The following ZNF565 variants were observed in gnomAD, a reference collection of about 807,000 sequenced individuals.
The protein encoded by ZNF565 is zinc finger protein 565.
ZNF565 carries 27 observed loss-of-function variants against 39.4 expected under a neutral mutation model. That is an observed-to-expected ratio of 0.69 (90% CI 0.51 to 0.95). ZNF565 has a LOEUF of 0.95. Ranked by LOEUF, ZNF565 falls within the 40% of genes least tolerant of loss-of-function variation. The pLI, the probability that ZNF565 is intolerant of heterozygous loss-of-function variation, is 0.00. For synonymous variants in ZNF565, 185 were observed against 216.6 expected (o/e 0.85, Z 1.28); for missense variants, 524 against 621.1 (o/e 0.84, Z 1.66).
At chr19:36,200,666 T>C (rs911939273) in intron 2 of ZNF565, among the ~76,000 whole-genome samples, 2 of 151,200 alleles carry the variant, frequency 1.3e-5, no homozygotes, top group Non-Finnish European at 2.9e-5. Flanking sequence ...TTTCTGTATT[T>C]TTAGTAGAGA....
At chr19:36,221,685 C>T (rs1976845462) in intron 1 of ZNF565, among the ~76,000 whole-genome samples, 1 of 152,118 alleles carries the variant, frequency 6.6e-6, no homozygotes, top group African/African-American at 2.4e-5. Flanking sequence ...ATATCTCATT[C>T]TGCTCCCTTC....
At chr19:36,223,329 T>A (rs1346032609) in intron 1 of ZNF565, among the ~76,000 whole-genome samples, 4 of 147,602 alleles carry the variant, frequency 2.7e-5, no homozygotes, top group African/African-American at 1.0e-4. Context: ...GGCAACAGAG[T>A]GAGACTCCGT....
chr19:36,215,789 A>G (rs1976577110), upstream of ZNF565, among the ~76,000 whole-genome samples: 1 of 152,174 alleles, frequency 6.6e-6, no homozygotes, highest in Non-Finnish European at 1.5e-5. Context: ...ACTAAACAGC[A>G]TTGTACGCTT....
In ZNF565 at chr19:36,183,513, G is replaced by A; in HGVS notation, c.453C>T (p.His151=). 1 of 1,614,226 alleles carries A rather than the reference G, an allele frequency of 6.2e-7. No individual in the cohort carries two copies. The highest frequency in any genetic ancestry group is 8.5e-7 in the Non-Finnish European group (1 of 1,180,046). ...TYGHMPVFQH[H]TSHTVRQSRE... Reference sequence around the variant, plus strand: ...TGCTCTGACGTACAGTGTGAGACGTGTGATGCTGGAACACGGGCATATGTC... The same window carrying A: ...TGCTCTGACGTACAGTGTGAGACGTATGATGCTGGAACACGGGCATATGTC... The change falls in exon 5 of 5, where the codon CAC becomes CAT. Residue 151 remains histidine (H), a synonymous_variant. Coordinates refer to ENST00000304116, the MANE Select transcript of ZNF565 (RefSeq NM_152477.5).
upstream of ZNF565, among the ~76,000 whole-genome samples, chr19:36,215,948 A>G (rs1204576117): frequency 6.6e-6 from 1 of 152,160 alleles, no homozygotes; most frequent in East Asian, 1.9e-4. Flanking sequence ...TAATTCCTTA[A>G]TGAGTCGAGG....
rs1977443402 is a variant in ZNF565, at chr19:36,232,776, T to A, written c.55+12700A>T. On this transcript the variant is annotated intron_variant, in intron 1 of 4. Transcript: ENST00000355114. ...GGAGCATGCCACCACATCCAGCTAA[T>A]TTTTTGTATTTTTAGTAGAGACGAG... 2.0e-5 allele frequency among the ~76,000 whole-genome samples: 3 copies of A among 151,966 alleles called. No individual in the cohort carries two copies. In the South Asian group the frequency reaches 6.2e-4, roughly 32 times the overall value.
chr19:36,183,745 G>C lies in ZNF565; in HGVS notation c.233-12C>G. The C allele has an allele frequency of 6.3e-7, 1 of 1,592,570 alleles. No homozygotes were observed. The highest frequency in any genetic ancestry group is 8.5e-7 in the Non-Finnish European group (1 of 1,171,162). On this transcript the variant is annotated splice_polypyrimidine_tract_variant and intron_variant, in intron 4 of 4. Coordinates refer to ENST00000304116, the MANE Select transcript of ZNF565 (RefSeq NM_152477.5). Reference sequence around the variant, plus strand: ...CCTGGACTCCAAGTCTGAAAAATAAGAAAAAGATAAATACAAGCTGTGATC... The same window carrying C: ...CCTGGACTCCAAGTCTGAAAAATAACAAAAAGATAAATACAAGCTGTGATC...
intron 1 of ZNF565, among the ~76,000 whole-genome samples, chr19:36,231,912 A>C (rs1459795443): frequency 6.6e-6 from 1 of 151,492 alleles, no homozygotes; most frequent in Non-Finnish European, 1.5e-5. Flanking sequence ...TTTTATTTAA[A>C]AAAAAAAAGG....
chr19:36,229,385 G>T (rs1338583222), intron 1 of ZNF565, among the ~76,000 whole-genome samples: 1 of 152,108 alleles, frequency 6.6e-6, no homozygotes, highest in Non-Finnish European at 1.5e-5. Context: ...ACTTTTATGT[G>T]TGGGGGTCTA....
At chr19:36,221,503 T>C (rs1599960663) in intron 1 of ZNF565, among the ~76,000 whole-genome samples, 1 of 152,004 alleles carries the variant, frequency 6.6e-6, no homozygotes, top group Non-Finnish European at 1.5e-5. Context: ...TTAGCCAGGA[T>C]GATCTTGATC....
chr19:36,187,241 C>T (rs1166976531), intron 4 of ZNF565, among the ~76,000 whole-genome samples: 1 of 151,850 alleles, frequency 6.6e-6, no homozygotes, highest in Non-Finnish European at 1.5e-5. Context: ...TTGGGTTAAG[C>T]AGGGTAGCTC....
chr19:36,225,760 T>G, intron 1 of ZNF565, among the ~76,000 whole-genome samples: 1 of 143,174 alleles, frequency 7.0e-6, no homozygotes, highest in African/African-American at 2.6e-5. Flanking sequence ...TTCTTTTTTT[T>G]TTTTTTTTTT....
intron 1 of ZNF565, among the ~76,000 whole-genome samples, chr19:36,220,418 G>A (rs1976786032): frequency 6.6e-6 from 1 of 151,504 alleles, no homozygotes; most frequent in Non-Finnish European, 1.5e-5. Context: ...AGGCTGGAGT[G>A]CAGTGGCACG....
intron 1 of ZNF565, among the ~76,000 whole-genome samples, chr19:36,220,923 C>T (rs10426716): frequency 0.014 from 2,052 of 150,328 alleles, 41 homozygotes; most frequent in African/African-American, 0.046. Context: ...GTGATCTTGG[C>T]TCACTTGCAA....
chr19:36,218,436 A>G (rs1256148452), upstream of ZNF565, among the ~76,000 whole-genome samples: 1 of 152,066 alleles, frequency 6.6e-6, no homozygotes, highest in East Asian at 1.9e-4. Context: ...AATTTCTGAA[A>G]GAATAAGATA....
At chr19:36,226,962 A>C (rs1031010244) in intron 1 of ZNF565, among the ~76,000 whole-genome samples, 1 of 152,146 alleles carries the variant, frequency 6.6e-6, no homozygotes, top group African/African-American at 2.4e-5. Flanking sequence ...GCATGCCTAT[A>C]GTCCCAGCTG....
At chr19:36,194,736 C>T (rs1289894340) in intron 3 of ZNF565, 1 of 532,438 alleles carries the variant, frequency 1.9e-6, no homozygotes, top group Non-Finnish European at 3.4e-6. Flanking sequence ...TTACCCATGC[C>T]CTATGGCTTC....
intron 1 of ZNF565, among the ~76,000 whole-genome samples, chr19:36,243,397 G>A (rs1039545899): frequency 1.1e-4 from 16 of 152,288 alleles, no homozygotes; most frequent in African/African-American, 3.1e-4. Context: ...GATGGGATAA[G>A]CACATTTCAG....
At chr19:36,208,586 T>C (rs10416925) in intron 1 of ZNF565, among the ~76,000 whole-genome samples, 43,810 of 151,920 alleles carry the variant, frequency 0.29, 7,346 homozygotes, top group African/African-American at 0.47. Context: ...AAAGTTGAGC[T>C]ATCTCTACAC....
Sources: allele counts gnomAD v4.1 joint callset (sites outside exome capture counted in the v4.1 genomes callset), GRCh38; gene constraint gnomAD v4.1.1; transcripts MANE v1.5; gene names NCBI Gene and HGNC (gene_info 2026-07-23, HGNC 2026-07-21).